The following SPRED1 variants were observed in gnomAD, a reference collection of about 807,000 sequenced individuals.
SPRED1 encodes the protein sprouty-related, EVH1 domain-containing protein 1.
A neutral mutation model predicts 52.3 loss-of-function variants in SPRED1; 18 were observed. The ratio of observed to expected loss-of-function variants is 0.34; its 90% CI spans 0.24 to 0.51. The LOEUF (loss-of-function observed/expected upper bound fraction) is 0.51. Ranked by LOEUF, SPRED1 falls within the 20% of genes least tolerant of loss-of-function variation. SPRED1 has a pLI of 0.97. For synonymous variants in SPRED1, 155 were observed against 179.7 expected (o/e 0.86, Z 1.10); for missense variants, 485 against 551.0 (o/e 0.88, Z 1.20).
intron 1 of SPRED1, among the ~76,000 whole-genome samples, chr15:38,289,679 G>A (rs1351020209): frequency 1.3e-5 from 2 of 152,214 alleles, no homozygotes; most frequent in African/African-American, 4.8e-5. Flanking sequence ...GGTTCAGAGA[G>A]AAGCAATATT....
chr15:38,324,274 A>G (rs938302242), intron 3 of SPRED1, among the ~76,000 whole-genome samples: 1 of 152,206 alleles, frequency 6.6e-6, no homozygotes, highest in African/African-American at 2.4e-5. Flanking sequence ...TTGATGCAAA[A>G]AAGTCAGTAA....
intron 2 of SPRED1, among the ~76,000 whole-genome samples, chr15:38,317,043 T>TA (rs1895502864): frequency 6.6e-6 from 1 of 151,720 alleles, no homozygotes; most frequent in Admixed American, 6.6e-5. Context: ...ATATTTTGAG[T>TA]AAAAAAGAGG....
At chr15:38,287,483 C>G (rs983378572) in intron 1 of SPRED1, among the ~76,000 whole-genome samples, 1 of 152,018 alleles carries the variant, frequency 6.6e-6, no homozygotes, top group African/African-American at 2.4e-5. Context: ...ATGAGCTGGT[C>G]CATATATCCC....
chr15:38,297,128 A>G (rs924519860), intron 1 of SPRED1, among the ~76,000 whole-genome samples: 3 of 152,190 alleles, frequency 2.0e-5, no homozygotes, highest in Non-Finnish European at 2.9e-5. Flanking sequence ...ACTGTGAGAA[A>G]TAAATTTCTC....
At chr15:38,272,501 C>G (rs1318094527) in intron 1 of SPRED1, among the ~76,000 whole-genome samples, 2 of 152,154 alleles carry the variant, frequency 1.3e-5, no homozygotes, top group African/African-American at 4.8e-5. Flanking sequence ...AACTCCTGAC[C>G]TCAGGTGATC....
chr15:38,303,500 T>C (rs556332787), intron 2 of SPRED1, among the ~76,000 whole-genome samples: 44 of 152,312 alleles, frequency 2.9e-4, no homozygotes, highest in Middle Eastern at 6.8e-3. Context: ...CTTTATCTGA[T>C]ACATGGTATG....
chr15:38,263,961 G>A (rs1894254151), intron 1 of SPRED1, among the ~76,000 whole-genome samples: 1 of 152,238 alleles, frequency 6.6e-6, no homozygotes, highest in Non-Finnish European at 1.5e-5. Flanking sequence ...AATAAGAAGT[G>A]CTGAAGCAGA....
chr15:38,266,900 T>C (rs1894318352), intron 1 of SPRED1, among the ~76,000 whole-genome samples: 1 of 152,238 alleles, frequency 6.6e-6, no homozygotes, highest in South Asian at 2.1e-4. Context: ...GAACTGTGTT[T>C]TGTGTACTAG....
intron 5 of SPRED1, among the ~76,000 whole-genome samples, chr15:38,345,826 A>G (rs986432443): frequency 7.9e-5 from 12 of 152,288 alleles, no homozygotes; most frequent in Non-Finnish European, 8.8e-5. Context: ...CCTGTCTCCA[A>G]AGGGGAAACA....
At position 38,351,372 on chromosome 15, in the gene SPRED1, TTA is replaced by T. The variant is rs1366401484; in HGVS notation, c.1044_1045del (p.Arg349GlyfsTer11). On this transcript the variant is annotated frameshift_variant, in exon 7 of 7. Transcript: ENST00000299084. LOFTEE classifies it high-confidence loss of function. ...GAAAGGTTTAATCATGAAGAAAATG[TTA>T]GGGGAAAATGTCAGGATGCTCCAGA... 2 of 1,613,944 alleles carry T rather than the reference TTA, an allele frequency of 1.2e-6. No homozygotes were observed. Among genetic ancestry groups the T allele is most frequent in the Non-Finnish European group, 1.7e-6 (2 of 1,179,994 alleles).
chr15:38,323,035 C>T (rs1895636525), intron 3 of SPRED1, among the ~76,000 whole-genome samples: 1 of 151,956 alleles, frequency 6.6e-6, no homozygotes, highest in Admixed American at 6.6e-5. Context: ...CCATTTCTTC[C>T]CATAAAGGAA....
intron 1 of SPRED1, among the ~76,000 whole-genome samples, chr15:38,260,502 C>T (rs1024192968): frequency 2.0e-5 from 3 of 150,934 alleles, no homozygotes; most frequent in East Asian, 1.9e-4. Flanking sequence ...ATAGAAACTA[C>T]GGATTTTTTT....
chr15:38,300,530 T>C (rs1895130505), intron 2 of SPRED1, among the ~76,000 whole-genome samples: 1 of 152,164 alleles, frequency 6.6e-6, no homozygotes, highest in Admixed American at 6.6e-5. Flanking sequence ...CTTCATATTT[T>C]TTTTACATCT....
At position 38,354,108 on chromosome 15, in the gene SPRED1, T is replaced by A. The variant is rs1355715078; in HGVS notation, c.*2444T>A. The A allele has an allele frequency of 6.6e-6, 1 of 152,606 alleles. No individual in the cohort carries two copies. The highest frequency in any genetic ancestry group is 1.5e-5 in the Non-Finnish European group (1 of 68,038). The allele number at this position is 152,606 out of a possible 1,614,324, so 9.5% of individuals were successfully genotyped here. On this transcript the variant is annotated 3_prime_UTR_variant, in exon 7 of 7. Transcript: ENST00000299084. ...TTAACATACCCAGTTTCTTAATCAG[T>A]CTACAAGACTAACTGATGATATAAT... is the stretch of plus-strand genomic sequence containing the variant.
intron 1 of SPRED1, among the ~76,000 whole-genome samples, chr15:38,272,201 G>A (rs1202375113): frequency 1.3e-5 from 2 of 151,104 alleles, no homozygotes; most frequent in African/African-American, 2.4e-5. Flanking sequence ...ATGAGTGCAC[G>A]TGTCTTTTTG....
intron 5 of SPRED1, among the ~76,000 whole-genome samples, chr15:38,344,982 A>G (rs1261927527): frequency 1.3e-5 from 2 of 152,204 alleles, no homozygotes; most frequent in Non-Finnish European, 2.9e-5. Context: ...CTGTAGCTAT[A>G]CATACAGTAA....
At chr15:38,292,447 A>T (rs1314917175) in intron 1 of SPRED1, among the ~76,000 whole-genome samples, 1 of 152,186 alleles carries the variant, frequency 6.6e-6, no homozygotes, top group Non-Finnish European at 1.5e-5. Flanking sequence ...CACACTGCTG[A>T]TAAAGACATA....
chr15:38,310,470 C>T (rs139776484), intron 2 of SPRED1, among the ~76,000 whole-genome samples: 110 of 152,044 alleles, frequency 7.2e-4, no homozygotes, highest in African/African-American at 2.6e-3. Flanking sequence ...TATGTATCTA[C>T]AAAAAAACCT....
chr15:38,253,091 C>T lies in SPRED1; in HGVS notation c.-95C>T. 7 of 1,138,628 alleles carry T rather than the reference C, an allele frequency of 6.1e-6. No homozygotes were observed. In the South Asian group the frequency reaches 6.6e-5, roughly 11 times the overall value. The allele number at this position is 1,138,628 out of a possible 1,614,324, so 70.5% of individuals were successfully genotyped here. A position where few individuals can be genotyped will look rare whatever the true frequency, so the allele number is the denominator to read the frequency against. On this transcript the variant is annotated 5_prime_UTR_variant, in exon 1 of 7. Coordinates refer to ENST00000299084, the MANE Select transcript of SPRED1 (RefSeq NM_152594.3). ...CCCTGTGCCGCTGCCCCCGCGCCCC[C>T]CCGGCCGCCGCTGCCTCCTGCCCCT...
Sources: gnomAD v4.1 joint callset for allele counts (sites outside exome capture counted in the v4.1 genomes callset) on GRCh38, gnomAD v4.1.1 for gene constraint, MANE v1.5 for transcripts, NCBI Gene and HGNC (gene_info 2026-07-23, HGNC 2026-07-21) for gene names.